The following ARHGAP42 variants were observed in gnomAD, a reference collection of about 807,000 sequenced individuals.
The protein encoded by ARHGAP42 is Rho GTPase activating protein 42.
ARHGAP42 carries 63 observed loss-of-function variants against 125.0 expected under a neutral mutation model. The ratio of observed to expected loss-of-function variants is 0.50; its 90% confidence interval spans 0.41 to 0.62. The LOEUF (loss-of-function observed/expected upper bound fraction) is 0.62, where lower values mean the gene tolerates loss of function less well. Among genes scored for constraint, ARHGAP42 ranks in the 20% least tolerant of loss-of-function variants. The pLI is 0.00. For synonymous variants in ARHGAP42, 339 were observed against 351.0 expected (o/e 0.97, Z 0.38); for missense variants, 766 against 1,024.2 (o/e 0.75, Z 3.44).
At chr11:100,786,618 T>C (rs533170651) in intron 2 of ARHGAP42, among the ~76,000 whole-genome samples, 4 of 152,264 alleles carry the variant, frequency 2.6e-5, no homozygotes, top group Admixed American at 2.0e-4. Context: ...TACTAAGTTG[T>C]TTTAAGCTAG....
At chr11:100,698,439 C>A (rs1442665485) in intron 1 of ARHGAP42, among the ~76,000 whole-genome samples, 1 of 152,204 alleles carries the variant, frequency 6.6e-6, no homozygotes, top group African/African-American at 2.4e-5. Flanking sequence ...CCACTGTACT[C>A]CAGCCTGGGC....
In ARHGAP42 at chr11:100,935,867, G is replaced by T. The variant is rs144539490; in HGVS notation, c.703-336G>T. Among the ~76,000 whole-genome samples, 523 of 152,262 alleles carry T rather than the reference G, an allele frequency of 3.4e-3. 2 individuals are homozygous for T. Among genetic ancestry groups the T allele is most frequent in the African/African-American group, 0.012 (479 of 41,554 alleles). ...TGAAACATTTTTCTGGGCCGGTCAG[G>T]TGGCTCACACCTGTAATCCCAGCAC... On this transcript the variant is annotated intron_variant, in intron 7 of 23. Coordinates refer to ENST00000298815, the MANE Select transcript of ARHGAP42 (RefSeq NM_152432.4).
rs35187671 is a variant in ARHGAP42 at position 100,870,947 on chromosome 11, T to TA, written c.384+11338dup. Among the ~76,000 whole-genome samples the TA allele has an allele frequency of 5.2e-3, 742 of 141,950 alleles. 2 individuals carry two copies. Among genetic ancestry groups the TA allele is most frequent in the Middle Eastern group, 0.015 (4 of 270 alleles). 93.1% of individuals were successfully genotyped at this position (141,950 alleles called of 152,430 possible). On this transcript the variant is annotated intron_variant, in intron 4 of 23. Coordinates refer to ENST00000298815, the MANE Select transcript of ARHGAP42 (RefSeq NM_152432.4). The stretch of plus-strand genomic sequence containing the variant: ...TCAGAGTGATCCAAGAAAGAAGGTT[T>TA]AAAAAAAAAAAAAAAAGGATTTTCC...
chr11:100,741,122 C>T (rs1291872128), intron 1 of ARHGAP42, among the ~76,000 whole-genome samples: 1 of 152,174 alleles, frequency 6.6e-6, no homozygotes, highest in African/African-American at 2.4e-5. Context: ...CCTCCATCTC[C>T]TGGGTTCAAG....
At chr11:100,706,728 C>T (rs999115796) in intron 1 of ARHGAP42, among the ~76,000 whole-genome samples, 2 of 152,034 alleles carry the variant, frequency 1.3e-5, no homozygotes, top group Admixed American at 1.3e-4. Context: ...TTTAAAGATG[C>T]CATTTATATT....
At chr11:100,805,233 G>A (rs1208324796) in intron 3 of ARHGAP42, among the ~76,000 whole-genome samples, 1 of 152,178 alleles carries the variant, frequency 6.6e-6, no homozygotes, top group African/African-American at 2.4e-5. Flanking sequence ...ATGCTGTGGG[G>A]ATCTGGAGCC....
At chr11:100,874,421 T>C (rs1865764347) in intron 4 of ARHGAP42, among the ~76,000 whole-genome samples, 1 of 152,224 alleles carries the variant, frequency 6.6e-6, no homozygotes, top group Non-Finnish European at 1.5e-5. Context: ...TTGTTTACTG[T>C]CAATGTCTGT....
intron 3 of ARHGAP42, among the ~76,000 whole-genome samples, chr11:100,803,595 T>C (rs915890863): frequency 6.6e-6 from 1 of 152,210 alleles, no homozygotes; most frequent in African/African-American, 2.4e-5. Context: ...GTAGTAGAGA[T>C]GTGGGACCAT....
At chr11:100,745,475 C>T (rs1442684632) in intron 1 of ARHGAP42, among the ~76,000 whole-genome samples, 2 of 152,164 alleles carry the variant, frequency 1.3e-5, no homozygotes, top group East Asian at 3.9e-4. Flanking sequence ...AATAAGTACA[C>T]CTATTACGGC....
rs142935085 is a variant in ARHGAP42, at chr11:100,745,888, T to C, written c.155-24455T>C. On this transcript the variant is annotated intron_variant, in intron 1 of 23. Transcript: ENST00000298815. ...AATTGTCACCCACCAAAATATTGAC[T>C]CAAATCCTTCAGCTATTTGATTTCG... 3.8e-4 allele frequency among the ~76,000 whole-genome samples: 58 copies of C among 152,342 alleles called. No homozygotes were observed. In the East Asian group the frequency reaches 7.5e-3, roughly 20 times the overall value.
chr11:100,908,705 TATGA>T (rs1485852706), intron 4 of ARHGAP42, among the ~76,000 whole-genome samples: 1 of 152,218 alleles, frequency 6.6e-6, no homozygotes, highest in Non-Finnish European at 1.5e-5. Context: ...GTGATAAACA[TATGA>T]GTGCAGGTAA....
At chr11:100,894,881 G>A (rs960668482) in intron 4 of ARHGAP42, among the ~76,000 whole-genome samples, 2 of 152,132 alleles carry the variant, frequency 1.3e-5, no homozygotes, top group Non-Finnish European at 2.9e-5. Flanking sequence ...ATTCCTACCG[G>A]TCGATGACCT....
intron 1 of ARHGAP42, among the ~76,000 whole-genome samples, chr11:100,714,389 TTGTGTGTGTGTGTGTG>T (rs10609660): frequency 4.8e-4 from 72 of 149,780 alleles, no homozygotes; most frequent in South Asian, 1.1e-3. Context: ...ACATAAAAAT[TTGTGTGTGTGTGTGTG>T]TGTGTGTGTG....
At chr11:100,727,628 G>A (rs73573395) in intron 1 of ARHGAP42, among the ~76,000 whole-genome samples, 2,080 of 152,222 alleles carry the variant, frequency 0.014, 64 homozygotes, top group African/African-American at 0.047. Flanking sequence ...ATGAGGTTCC[G>A]GGAGCTTCCG....
At chr11:100,752,575 GTC>G (rs1477885569) in intron 1 of ARHGAP42, among the ~76,000 whole-genome samples, 2 of 152,310 alleles carry the variant, frequency 1.3e-5, no homozygotes, top group African/African-American at 4.8e-5. Context: ...CACCCAGTGA[GTC>G]TGCCGTAATT....
At chr11:100,931,259 A>G (rs529522941) in intron 6 of ARHGAP42, among the ~76,000 whole-genome samples, 2 of 152,290 alleles carry the variant, frequency 1.3e-5, no homozygotes, top group Non-Finnish European at 2.9e-5. Flanking sequence ...GATTAGTATT[A>G]GTACTTTAGG....
chr11:100,833,682 C>T (rs1227225094), intron 3 of ARHGAP42, among the ~76,000 whole-genome samples: 1 of 152,076 alleles, frequency 6.6e-6, no homozygotes, highest in Non-Finnish European at 1.5e-5. Context: ...AACTTCTGTC[C>T]CAAGTGAAAG....
intron 3 of ARHGAP42, among the ~76,000 whole-genome samples, chr11:100,820,646 A>G (rs746069391): frequency 2.6e-5 from 4 of 152,162 alleles, no homozygotes; most frequent in Non-Finnish European, 5.9e-5. Context: ...TAATCGCTCC[A>G]TGCTCTATAA....
chr11:100,903,223 A>T (rs1468057943), intron 4 of ARHGAP42, among the ~76,000 whole-genome samples: 3 of 151,858 alleles, frequency 2.0e-5, no homozygotes, highest in African/African-American at 7.3e-5. Flanking sequence ...GCAGTATTAT[A>T]TGTAATATAA....
Sources: gnomAD v4.1 joint callset for allele counts (sites outside exome capture counted in the v4.1 genomes callset) on GRCh38, gnomAD v4.1.1 for gene constraint, MANE v1.5 for transcripts, NCBI Gene and HGNC (gene_info 2026-07-23, HGNC 2026-07-21) for gene names.